Variants in RANBP17 observed in about 807,000 individuals in gnomAD.
RANBP17 encodes ran-binding protein 17.
A neutral mutation model predicts 141.2 loss-of-function variants in RANBP17; 158 were observed. That is an observed-to-expected ratio of 1.12 (90% confidence interval 0.98 to 1.28). The LOEUF (loss-of-function observed/expected upper bound fraction) is 1.28. Ranked by LOEUF, RANBP17 falls within the 50% of genes most tolerant of loss-of-function variation. The pLI is 0.00. For synonymous variants in RANBP17, 430 were observed against 450.0 expected, an observed-to-expected ratio of 0.96 and a Z score of 0.56; for missense variants, 1,438 against 1,290.7, an observed-to-expected ratio of 1.11 and a Z score of -1.75.
intron 1 of RANBP17, among the ~76,000 whole-genome samples, chr5:170,871,801 T>C (rs1197421051): frequency 6.6e-6 from 1 of 152,218 alleles, no homozygotes; most frequent in African/African-American, 2.4e-5. Context: ...CTTGTTTTTG[T>C]CAGGTTTGTC....
Position 170,911,064 on chromosome 5 carries a change from C to T in RANBP17, c.690C>T (p.Phe230=), listed in dbSNP as rs754933936. The change falls in exon 7 of 28, where the codon TTC becomes TTT. Residue 230 remains phenylalanine, a synonymous_variant. Coordinates refer to ENST00000523189, the MANE Select transcript of RANBP17 (RefSeq NM_022897.5). ...KLVLNCLNFD[F]IGSSADESAD... The stretch of plus-strand genomic sequence containing the variant: ...TCCTTAACTGCCTTAACTTTGACTT[C>T]ATTGGCAGTTCAGCAGATGAATCTG... The T allele has an allele frequency of 5.6e-6, 9 of 1,612,046 alleles. No homozygotes were observed. The highest frequency in any genetic ancestry group is 7.6e-6 in the Non-Finnish European group (9 of 1,178,654).
chr5:170,955,648 GTATATATA>G (rs1159344330), intron 13 of RANBP17, among the ~76,000 whole-genome samples: 1,674 of 21,358 alleles, frequency 0.078, 175 homozygotes, highest in East Asian at 0.29. Flanking sequence ...TATGCTCAGT[GTATATATA>G]TATATATATA....
In RANBP17 at chr5:171,006,196, T is replaced by C. The variant is rs557873529; in HGVS notation, c.1710+37819T>C. Reference sequence around the variant, plus strand: ...TGTGGAAGTCAGTATGGCGATTCCTTCGGGATCTAGAACTAGAAATACCAT... The same window carrying C: ...TGTGGAAGTCAGTATGGCGATTCCTCCGGGATCTAGAACTAGAAATACCAT... On this transcript the variant is annotated intron_variant, in intron 14 of 27. Transcript: ENST00000523189. Among the ~76,000 whole-genome samples, 19 of 152,306 alleles carry C rather than the reference T, an allele frequency of 1.2e-4. 1 individual carries two copies. Among genetic ancestry groups the C allele is most frequent in the African/African-American group, 3.8e-4 (16 of 41,566 alleles).
chr5:171,080,967 A>C (rs1403514087), intron 14 of RANBP17, among the ~76,000 whole-genome samples: 1 of 152,290 alleles, frequency 6.6e-6, no homozygotes, highest in African/African-American at 2.4e-5. Context: ...AACAGTTTTT[A>C]TATACTGAGA....
At chr5:171,002,597 C>A (rs1561975177) in intron 14 of RANBP17, among the ~76,000 whole-genome samples, 1 of 152,070 alleles carries the variant, frequency 6.6e-6, no homozygotes, top group Non-Finnish European at 1.5e-5. Flanking sequence ...TAAATATTGA[C>A]ACATAGTCCC....
In RANBP17 at chr5:170,921,043, C is replaced by T. The variant is rs189687295; in HGVS notation, c.1274+1430C>T. Among the ~76,000 whole-genome samples, 3 of 152,228 alleles carry T rather than the reference C, an allele frequency of 2.0e-5. No homozygotes were observed. The East Asian group carries it at 5.8e-4, about 29-fold the overall frequency. ...GATTTTCTCCCATTCTGTAGGTTGC[C>T]TGTTCACTCTGATGATGGTTTCTTT... On this transcript the variant is annotated intron_variant, in intron 11 of 27. Transcript: ENST00000523189.
chr5:171,054,584 G>A (rs1265232943), intron 14 of RANBP17, among the ~76,000 whole-genome samples: 2 of 152,134 alleles, frequency 1.3e-5, no homozygotes, highest in African/African-American at 4.8e-5. Context: ...TGGTTTTGGT[G>A]CATTTTGGCC....
intron 21 of RANBP17, among the ~76,000 whole-genome samples, chr5:171,220,860 A>G (rs1581055567): frequency 6.6e-6 from 1 of 152,204 alleles, no homozygotes; most frequent in African/African-American, 2.4e-5. Flanking sequence ...AATTATGTAT[A>G]TGCATTTCTT....
In RANBP17 at chr5:171,277,637, G is replaced by GTGTGTGTATA. The variant is rs1437482589; in HGVS notation, c.2943+11791_2943+11792insGTGTGTATAT. Among the ~76,000 whole-genome samples, 131 of 56,922 alleles carry GTGTGTGTATA rather than the reference G, an allele frequency of 2.3e-3. 3 individuals carry two copies. Among genetic ancestry groups the GTGTGTGTATA allele is most frequent in the African/African-American group, 7.3e-3 (125 of 17,224 alleles). The allele number at this position is 56,922 out of a possible 152,430, so 37.3% of individuals were successfully genotyped here. ...GTGCCTTACGTATACATATATGTAT[G>GTGTGTGTATA]TATATATATATATATATATATATAT... On this transcript the variant is annotated intron_variant, in intron 25 of 27. Transcript: ENST00000523189.
intron 22 of RANBP17, among the ~76,000 whole-genome samples, chr5:171,240,587 T>G (rs1764805378): frequency 6.6e-6 from 1 of 152,160 alleles, no homozygotes; most frequent in Admixed American, 6.5e-5. Context: ...TTTTAAAATT[T>G]TTTACTGACA....
At chr5:171,219,808 T>G (rs1319143857) in intron 21 of RANBP17, among the ~76,000 whole-genome samples, 2 of 152,028 alleles carry the variant, frequency 1.3e-5, no homozygotes, top group African/African-American at 4.8e-5. Flanking sequence ...TTTATCAGTG[T>G]TCATAGCTTC....
intron 4 of RANBP17, among the ~76,000 whole-genome samples, chr5:170,893,920 A>G (rs1769878269): frequency 6.6e-6 from 1 of 152,128 alleles, no homozygotes; most frequent in Non-Finnish European, 1.5e-5. Flanking sequence ...CGGAGATTTT[A>G]CTTTTATGCA....
chr5:171,278,001 A>G (rs1449707210), intron 25 of RANBP17, among the ~76,000 whole-genome samples: 1 of 107,882 alleles, frequency 9.3e-6, no homozygotes, highest in African/African-American at 3.6e-5. Flanking sequence ...CAGGAGGTAG[A>G]CATTTGACCC....
At chr5:171,148,373 A>G (rs1758217782) in intron 14 of RANBP17, among the ~76,000 whole-genome samples, 1 of 152,268 alleles carries the variant, frequency 6.6e-6, no homozygotes, top group Non-Finnish European at 1.5e-5. Flanking sequence ...AGAAACACCC[A>G]AGAATTATCA....
intron 24 of RANBP17, among the ~76,000 whole-genome samples, chr5:171,247,508 C>G (rs1765279258): frequency 6.6e-6 from 1 of 152,084 alleles, no homozygotes; most frequent in Admixed American, 6.5e-5. Flanking sequence ...TAAGGAGGTA[C>G]AGAAAAGTTG....
At chr5:171,029,013 T>G (rs991898337) in intron 14 of RANBP17, 12 of 1,070,350 alleles carry the variant, frequency 1.1e-5, no homozygotes, top group Non-Finnish European at 1.3e-5. Flanking sequence ...AGTCTATATG[T>G]TAAGCCAGTT....
At chr5:171,074,054 C>G (rs538233050) in intron 14 of RANBP17, among the ~76,000 whole-genome samples, 1 of 152,012 alleles carries the variant, frequency 6.6e-6, no homozygotes, top group East Asian at 1.9e-4. Flanking sequence ...GTGGACTGGA[C>G]TTAGTGATTT....
intron 14 of RANBP17, among the ~76,000 whole-genome samples, chr5:171,097,421 C>G (rs1786771981): frequency 6.6e-6 from 1 of 151,892 alleles, no homozygotes; most frequent in African/African-American, 2.4e-5. Flanking sequence ...GGGTCTTCAT[C>G]TATGTAATCT....
intron 13 of RANBP17, among the ~76,000 whole-genome samples, chr5:170,955,818 G>GTATATA (rs367914750): frequency 3.5e-5 from 5 of 141,676 alleles, no homozygotes; most frequent in Admixed American, 1.4e-4. Context: ...TAAAATTCCT[G>GTATATA]TATATATATA....
Sources: gnomAD v4.1 joint callset for allele counts (sites outside exome capture counted in the v4.1 genomes callset) on GRCh38, gnomAD v4.1.1 for gene constraint, MANE v1.5 for transcripts, NCBI Gene and HGNC (gene_info 2026-07-23, HGNC 2026-07-21) for gene names.